Variants in FOXP1 observed in about 807,000 individuals in gnomAD.
The protein encoded by FOXP1 is forkhead box protein P1.
FOXP1 carries 15 observed loss-of-function variants against 98.2 expected under a neutral mutation model. That is an observed-to-expected ratio of 0.15 (90% CI 0.10 to 0.24). The LOEUF (loss-of-function observed/expected upper bound fraction) is 0.24. Ranked by LOEUF, FOXP1 falls within the 10% of genes least tolerant of loss-of-function variation. FOXP1 has a pLI of 1.00. For missense variants in FOXP1, 633 were observed against 848.5 expected (o/e 0.75, Z 3.15); for synonymous variants, 371 against 314.5 (o/e 1.18, Z -1.90).
At chr3:71,263,023 T>C (rs1211359623) in intron 5 of FOXP1, among the ~76,000 whole-genome samples, 1 of 152,156 alleles carries the variant, frequency 6.6e-6, no homozygotes, top group Non-Finnish European at 1.5e-5. Context: ...TCTCACGCAG[T>C]GCCTGGAAGA....
At chr3:71,269,422 G>T (rs1365282197) in intron 5 of FOXP1, among the ~76,000 whole-genome samples, 1 of 151,342 alleles carries the variant, frequency 6.6e-6, no homozygotes, top group African/African-American at 2.5e-5. Context: ...ACTATAAAAA[G>T]AATTTTTCAA....
chr3:71,477,276 A>G (rs772880401), intron 3 of FOXP1, among the ~76,000 whole-genome samples: 2 of 152,182 alleles, frequency 1.3e-5, no homozygotes, highest in African/African-American at 2.4e-5. Flanking sequence ...CAGATGCTCA[A>G]ATTCTGAACA....
At chr3:71,442,119 A>G (rs1178734615) in intron 3 of FOXP1, among the ~76,000 whole-genome samples, 2 of 152,174 alleles carry the variant, frequency 1.3e-5, no homozygotes, top group Non-Finnish European at 2.9e-5. Flanking sequence ...TTCATGCCTC[A>G]AAGCCCTGTT....
chr3:70,985,433 C>T (rs997787845), intron 14 of FOXP1, among the ~76,000 whole-genome samples: 2 of 151,802 alleles, frequency 1.3e-5, no homozygotes, highest in South Asian at 2.1e-4. Flanking sequence ...AAACATTACA[C>T]GTCTACCTTT....
chr3:71,362,933 T>C (rs78996674), intron 3 of FOXP1, among the ~76,000 whole-genome samples: 9,816 of 152,302 alleles, frequency 0.064, 382 homozygotes, highest in African/African-American at 0.099. Flanking sequence ...TGTAAAACTA[T>C]ACTGCTGAGG....
intron 3 of FOXP1, among the ~76,000 whole-genome samples, chr3:71,399,569 A>T (rs1205238592): frequency 6.6e-6 from 1 of 152,190 alleles, no homozygotes; most frequent in Admixed American, 6.5e-5. Context: ...TAGTTCCAAC[A>T]TTCACCCAGA....
chr3:71,097,366 G>A (rs1317437583), intron 7 of FOXP1, among the ~76,000 whole-genome samples: 1 of 152,014 alleles, frequency 6.6e-6, no homozygotes, highest in Non-Finnish European at 1.5e-5. Flanking sequence ...ACTTTTACAT[G>A]ACAAAAAACA....
At chr3:71,523,703 A>G (rs2043158074) in intron 2 of FOXP1, among the ~76,000 whole-genome samples, 1 of 152,074 alleles carries the variant, frequency 6.6e-6, no homozygotes, top group South Asian at 2.1e-4. Context: ...GCATTTGTAG[A>G]AAATCCATTG....
At chr3:71,173,376 A>G (rs1237383495) in intron 6 of FOXP1, among the ~76,000 whole-genome samples, 1 of 121,180 alleles carries the variant, frequency 8.3e-6, no homozygotes, top group African/African-American at 3.2e-5. Flanking sequence ...GAAAAAAAAG[A>G]AAAAATTCAC....
At chr3:71,581,119 G>A (rs890338750) in intron 2 of FOXP1, 1 of 976,704 alleles carries the variant, frequency 1.0e-6, no homozygotes, top group Non-Finnish European at 1.2e-6. Context: ...TCTTCTGGTA[G>A]AGCAAAAAGA....
chr3:71,102,870 C>CT (rs2057090204), intron 7 of FOXP1, among the ~76,000 whole-genome samples: 2 of 152,172 alleles, frequency 1.3e-5, no homozygotes, highest in Admixed American at 1.3e-4. Flanking sequence ...AATCCCAGCT[C>CT]TGCCACTTAT....
In FOXP1 at chr3:71,536,538, T is replaced by C. The variant is rs79835871; in HGVS notation, c.-297-42983A>G. 1.8e-4 allele frequency among the ~76,000 whole-genome samples: 28 copies of C among 151,738 alleles called. No individual in the cohort carries two copies. The East Asian group carries it at 5.4e-3, about 29-fold the overall frequency. On this transcript the variant is annotated intron_variant, in intron 2 of 20. Transcript: ENST00000649528. The stretch of plus-strand genomic sequence containing the variant: ...CATTATGAGTCATAAATAAAGAGCT[T>C]GCATTTATCACTTAAACACTTCTAA...
At chr3:71,163,876 T>A (rs75561103) in intron 6 of FOXP1, among the ~76,000 whole-genome samples, 5 of 148,580 alleles carry the variant, frequency 3.4e-5, no homozygotes, top group Admixed American at 6.7e-5. Flanking sequence ...ATCAGTTTTT[T>A]AAATTTTTCT....
chr3:71,034,810 T>C (rs937670474), intron 11 of FOXP1, among the ~76,000 whole-genome samples: 1 of 152,088 alleles, frequency 6.6e-6, no homozygotes, highest in South Asian at 2.1e-4. Flanking sequence ...AGGAAGCAAA[T>C]GGGGTCTGGT....
intron 14 of FOXP1, among the ~76,000 whole-genome samples, chr3:70,983,330 G>A (rs1000719333): frequency 2.6e-5 from 4 of 152,124 alleles, no homozygotes; most frequent in African/African-American, 9.7e-5. Flanking sequence ...AACAGCTTTT[G>A]TGTATTGTGC....
intron 3 of FOXP1, among the ~76,000 whole-genome samples, chr3:71,467,921 A>G (rs1209973469): frequency 6.6e-6 from 1 of 152,184 alleles, no homozygotes; most frequent in Non-Finnish European, 1.5e-5. Context: ...GACAATCTAC[A>G]AGGTTCCACA....
At chr3:71,474,538 C>T (rs972685771) in intron 3 of FOXP1, among the ~76,000 whole-genome samples, 3 of 152,144 alleles carry the variant, frequency 2.0e-5, no homozygotes, top group South Asian at 2.1e-4. Flanking sequence ...TGTTTACAGC[C>T]GCTGCCCACA....
chr3:71,500,472 T>C (rs77616659), intron 2 of FOXP1, among the ~76,000 whole-genome samples: 254 of 152,262 alleles, frequency 1.7e-3, no homozygotes, highest in African/African-American at 5.8e-3. Flanking sequence ...GGGGATGAGA[T>C]AGACCATCAT....
chr3:71,551,600 GAAAC>G (rs1229732505), intron 2 of FOXP1, among the ~76,000 whole-genome samples: 1 of 152,202 alleles, frequency 6.6e-6, no homozygotes. Context: ...TCTGGCATAT[GAAAC>G]AAACATTCTA....
Sources: allele counts gnomAD v4.1 joint callset (sites outside exome capture counted in the v4.1 genomes callset), GRCh38; gene constraint gnomAD v4.1.1; transcripts MANE v1.5; gene names NCBI Gene and HGNC (gene_info 2026-07-23, HGNC 2026-07-21).